Variants in GRK7 observed in about 807,000 individuals in gnomAD.
GRK7 encodes the protein rhodopsin kinase GRK7.
In GRK7, 24 loss-of-function variants were observed where a neutral mutation model predicts 34.1. The observed-to-expected ratio is 0.70, with a 90% confidence interval of 0.51 to 0.99. The LOEUF (loss-of-function observed/expected upper bound fraction) is 0.99. Among genes scored for constraint, GRK7 ranks in the 50% least tolerant of loss-of-function variants. GRK7 has a pLI of 0.00. For synonymous variants in GRK7, 256 were observed against 279.4 expected, an observed-to-expected ratio of 0.92 and a Z score of 0.84; for missense variants, 644 against 707.3, an observed-to-expected ratio of 0.91 and a Z score of 1.02.
chr3:141,808,015 GTAT>G (rs530687886), intron 5 of GRK7, 96 bp downstream of exon 5: 10 of 1,127,034 alleles, frequency 8.9e-6, no homozygotes, highest in Non-Finnish European at 9.8e-6. Flanking sequence ...TTGGAATTAA[GTAT>G]TATGATTTTC....
At chr3:141,756,841 T>C in the GRK7 span, among the ~76,000 whole-genome samples, 1 of 152,232 alleles carries the variant, frequency 6.6e-6, no homozygotes. Flanking sequence ...CTCATCTTGT[T>C]CTGGTCCCCT....
chr3:141,774,399 G>T (rs1373335361), intron 1 of GRK7, among the ~76,000 whole-genome samples, 181 bp from the exon 2 acceptor site: 2 of 151,748 alleles, frequency 1.3e-5, no homozygotes, highest in Non-Finnish European at 2.9e-5. Flanking sequence ...ATTAGCCTGG[G>T]CAACAGAGTG....
At chr3:141,760,110 C>A (rs1425120866), upstream of GRK7, among the ~76,000 whole-genome samples, 1 of 151,552 alleles carries the variant, frequency 6.6e-6, no homozygotes, top group Non-Finnish European at 1.5e-5. Flanking sequence ...AAAACCAGCT[C>A]CTGGATTCAT....
chr3:141,792,803 C>A (rs1415140460), intron 4 of GRK7, among the ~76,000 whole-genome samples: 1 of 152,194 alleles, frequency 6.6e-6, no homozygotes, highest in Non-Finnish European at 1.5e-5. Flanking sequence ...TAGGAAGCTG[C>A]AGGATGGAGA....
chr3:141,804,576 TAC>T (rs1325449068), intron 4 of GRK7, among the ~76,000 whole-genome samples: 2 of 143,188 alleles, frequency 1.4e-5, no homozygotes, highest in Non-Finnish European at 3.0e-5. Flanking sequence ...CACATACACA[TAC>T]ACACATACAC....
chr3:141,784,401 G>A (rs1158688106), intron 4 of GRK7, among the ~76,000 whole-genome samples: 1 of 152,156 alleles, frequency 6.6e-6, no homozygotes, highest in African/African-American at 2.4e-5. Flanking sequence ...CCCAGTTTCC[G>A]GGCCTGCCAC....
chr3:141,772,896 G>A (rs774202547), intron 1 of GRK7, among the ~76,000 whole-genome samples: 22 of 152,148 alleles, frequency 1.4e-4, no homozygotes, highest in Non-Finnish European at 2.9e-4. Context: ...ACTTTGGGAG[G>A]CTGAGGCGGG....
intron 4 of GRK7, among the ~76,000 whole-genome samples, chr3:141,784,140 G>A (rs935032910): frequency 3.3e-5 from 5 of 152,104 alleles, no homozygotes; most frequent in Non-Finnish European, 7.4e-5. Flanking sequence ...GTCTCCTCAG[G>A]CTCTGTTCAT....
intron 5 of GRK7, among the ~76,000 whole-genome samples, chr3:141,811,984 A>C (rs895280485): frequency 4.6e-5 from 7 of 152,190 alleles, no homozygotes; most frequent in Admixed American, 2.6e-4. Context: ...AAGACCACTT[A>C]AGTTTTTGCA....
chr3:141,762,427 GGGGGTCA>G (rs1318212295), upstream of GRK7, among the ~76,000 whole-genome samples: 31 of 146,710 alleles, frequency 2.1e-4, no homozygotes, highest in Non-Finnish European at 3.2e-4. Flanking sequence ...TAGGCTGCTC[GGGGGTCA>G]GGGGTCAGGG....
chr3:141,806,339 G>A (rs1346761864), intron 4 of GRK7, among the ~76,000 whole-genome samples: 1 of 152,084 alleles, frequency 6.6e-6, no homozygotes, highest in Non-Finnish European at 1.5e-5. Flanking sequence ...GAGGCGGGAG[G>A]ATCACTTGAG....
intron 1 of GRK7, among the ~76,000 whole-genome samples, 60 bp downstream of exon 1, chr3:141,765,798 A>G (rs1043358856): frequency 4.6e-5 from 7 of 152,228 alleles, no homozygotes; most frequent in Non-Finnish European, 7.3e-5. Flanking sequence ...GGATAAGTGC[A>G]TAGAATGAAT....
At chr3:141,776,272 G>A (rs1000667952) in intron 2 of GRK7, among the ~76,000 whole-genome samples, 2 of 143,932 alleles carry the variant, frequency 1.4e-5, no homozygotes, top group African/African-American at 5.3e-5. Context: ...GGGTGATAGA[G>A]CGAGACTCCG....
At position 141,778,890 on chromosome 3, in the gene GRK7, TG is replaced by T. The variant is rs1157436907; in HGVS notation, c.610del (p.Glu204ArgfsTer7). ...EFRVLGKGGF[G>X]EVCAVQVKNT... ...TCAGAGTGCTGGGGAAAGGTGGTTTTGGGGAGGTAAGTGTCTCCCAGTAGCC... is the reference window on the plus strand; with the variant it reads ...TCAGAGTGCTGGGGAAAGGTGGTTTTGGGAGGTAAGTGTCTCCCAGTAGCC... On this transcript the variant is annotated frameshift_variant, in exon 3 of 6. Coordinates refer to ENST00000682958, the MANE Select transcript of GRK7 (RefSeq NM_139209.3). LOFTEE classifies it high-confidence loss of function. This position sits in a 1 kb window ranked among gnomAD's most constrained non-coding sequence, Gnocchi z 4.1. 3 of 1,608,158 alleles carry T rather than the reference TG, an allele frequency of 1.9e-6. No individual in the cohort carries two copies. The highest frequency in any genetic ancestry group is 2.5e-6 in the Non-Finnish European group (3 of 1,177,480).
intron 4 of GRK7, among the ~76,000 whole-genome samples, chr3:141,793,665 G>A (rs1559844448): frequency 6.6e-6 from 1 of 152,176 alleles, no homozygotes. Context: ...ACTGTGAGTA[G>A]CTGCCAGAAG....
At chr3:141,763,096 T>G (rs540343724), upstream of GRK7, among the ~76,000 whole-genome samples, 1 of 152,348 alleles carries the variant, frequency 6.6e-6, no homozygotes, top group East Asian at 1.9e-4. Context: ...TCTGTGTCGC[T>G]CACGCTGGGA....
At chr3:141,765,824 AG>A (rs2084578312) in intron 1 of GRK7, among the ~76,000 whole-genome samples, 86 bp downstream of exon 1, 2 of 152,240 alleles carry the variant, frequency 1.3e-5, no homozygotes, top group Admixed American at 1.3e-4. Flanking sequence ...AATGAAACAT[AG>A]GCCAGAGCTT....
chr3:141,798,933 G>T (rs541446159), intron 4 of GRK7, among the ~76,000 whole-genome samples: 1 of 152,178 alleles, frequency 6.6e-6, no homozygotes, highest in Admixed American at 6.5e-5. Context: ...TGAATCTAAG[G>T]CCTTCCTGCA....
chr3:141,779,107 A>G (rs2084657807), intron 3 of GRK7, among the ~76,000 whole-genome samples: 1 of 152,152 alleles, frequency 6.6e-6, no homozygotes, highest in Admixed American at 6.5e-5. Context: ...AGCAAAATTT[A>G]TACTTGGCCA....
Sources: gnomAD v4.1 joint callset for allele counts (sites outside exome capture counted in the v4.1 genomes callset) on GRCh38, gnomAD v4.1.1 for gene constraint, Gnocchi (gnomAD v3.1) non-coding constraint, MANE v1.5 for transcripts, NCBI Gene and HGNC (gene_info 2026-07-23, HGNC 2026-07-21) for gene names.